Variants in MMP28 observed in about 807,000 individuals in gnomAD.
MMP28 encodes matrix metalloproteinase-28.
Under a neutral mutation model 60.5 loss-of-function variants are expected in MMP28, and 55 were observed. That is an observed-to-expected ratio of 0.91 (90% CI 0.73 to 1.14). The LOEUF (loss-of-function observed/expected upper bound fraction) is 1.14. Ranked by LOEUF, MMP28 falls within the 50% of genes most tolerant of loss-of-function variation. MMP28 has a pLI of 0.00. For synonymous variants in MMP28, 318 were observed against 312.5 expected (o/e 1.02, Z -0.18); for missense variants, 686 against 738.3 (o/e 0.93, Z 0.82).
chr17:35,778,993 C>T lies in MMP28; in HGVS notation c.274G>A (p.Gly92Arg), dbSNP rs199792911. ...GCATAACTGTTGGTATCTGTAACCC[C>T]GCAGCGGGGACGAGTCATCTGGCGC... ...TLRQMTRPRCGVTDTNSYAAW... is the reference protein window; with the variant it reads ...TLRQMTRPRCRVTDTNSYAAW... Residue 92 changes from glycine (G) to arginine (R), a missense_variant, in exon 3 of 8, where the codon GGG becomes AGG. Physicochemically the swap from Gly to Arg is moderately radical, Grantham distance 125. Transcript: ENST00000605424. 1.7e-4 allele frequency: 277 copies of T among 1,613,932 alleles called. No homozygotes were observed. The highest frequency in any genetic ancestry group is 1.9e-4 in the Non-Finnish European group (230 of 1,179,912).
chr17:35,787,149 C>A (rs967790294), intron 1 of MMP28, among the ~76,000 whole-genome samples: 2 of 152,152 alleles, frequency 1.3e-5, no homozygotes, highest in African/African-American at 4.8e-5. Context: ...ATCTGCTTTA[C>A]AAGAAAGTTC....
In MMP28 at chr17:35,795,617, C is replaced by G. The variant is rs574967369; in HGVS notation, c.-240G>C. Reference sequence around the variant, plus strand: ...GGGCAGTGCCTGCCCGCGGGTCCGCCGGCCCCGGGGACCGAGGGAGGGAGG... The same window carrying G: ...GGGCAGTGCCTGCCCGCGGGTCCGCGGGCCCCGGGGACCGAGGGAGGGAGG... On this transcript the variant is annotated 5_prime_UTR_variant, in exon 1 of 8. Coordinates refer to ENST00000605424, the MANE Select transcript of MMP28 (RefSeq NM_024302.5). The G allele has an allele frequency of 3.1e-3, 1,103 of 360,312 alleles. 16 individuals carry two copies. Among genetic ancestry groups the G allele is most frequent in the African/African-American group, 0.021 (991 of 47,538 alleles). The allele number at this position is 360,312 out of a possible 1,614,324, so 22.3% of individuals were successfully genotyped here.
chr17:35,764,603 C>T (rs376398873), downstream of MMP28: 6 of 1,585,526 alleles, frequency 3.8e-6, no homozygotes, highest in Non-Finnish European at 5.1e-6. Flanking sequence ...AGGCGGGGGC[C>T]GCTGGGAACT....
At chr17:35,787,549 G>T (rs929227087) in intron 1 of MMP28, among the ~76,000 whole-genome samples, 1 of 152,126 alleles carries the variant, frequency 6.6e-6, no homozygotes, top group Non-Finnish European at 1.5e-5. Context: ...GGAGTGCAGT[G>T]GCATGACTTC....
chr17:35,770,355 C>A, intron 4 of MMP28, 43 bp from the exon 5 acceptor site: 1 of 1,455,916 alleles, frequency 6.9e-7, no homozygotes, highest in Non-Finnish European at 9.0e-7. Flanking sequence ...CGGCCCACGA[C>A]GCCCCCAGGT....
intron 1 of MMP28, among the ~76,000 whole-genome samples, chr17:35,786,802 C>A (rs550752914): frequency 3.3e-4 from 50 of 151,882 alleles, no homozygotes; most frequent in African/African-American, 1.2e-3. Flanking sequence ...GCCCAGGCAA[C>A]TGTAGAGCTT....
chr17:35,767,222 A>G (rs756460442), intron 7 of MMP28, among the ~76,000 whole-genome samples: 11 of 152,198 alleles, frequency 7.2e-5, no homozygotes, highest in Non-Finnish European at 1.3e-4. Context: ...TGTATCCCTA[A>G]CATATCCAAC....
rs1406447961 is a variant in MMP28 at position 35,776,308 on chromosome 17, AT to A, written c.379+2579del. ...TGCCTCAGTCTCCCGAGTATCTGGG[AT>A]TACAGGTGCGTGCCACCACACCAGG... On this transcript the variant is annotated intron_variant, in intron 3 of 7. Transcript: ENST00000605424. 4.0e-5 allele frequency among the ~76,000 whole-genome samples: 6 copies of A among 151,892 alleles called. No homozygotes were observed. In the East Asian group the frequency reaches 1.2e-3, roughly 29 times the overall value.
At chr17:35,760,308 C>G (rs2085794516) in intron 2 of MMP28, among the ~76,000 whole-genome samples, 2 of 152,194 alleles carry the variant, frequency 1.3e-5, no homozygotes, top group African/African-American at 4.8e-5. Context: ...CTTGATTTTA[C>G]TCCCTCCCTC....
intron 3 of MMP28, among the ~76,000 whole-genome samples, chr17:35,773,789 T>C (rs1221541549): frequency 6.6e-6 from 1 of 152,182 alleles, no homozygotes; most frequent in Non-Finnish European, 1.5e-5. Flanking sequence ...TCTGTGTCTG[T>C]TGCTACCAGC....
intron 6 of MMP28, 49 bp from the exon 7 acceptor site, chr17:35,767,968 G>T: frequency 6.6e-7 from 1 of 1,526,652 alleles, no homozygotes; most frequent in Non-Finnish European, 8.8e-7. Flanking sequence ...GCTTCCTGCT[G>T]TCTTTCCAGG....
chr17:35,790,920 G>A (rs1201551615), intron 1 of MMP28, among the ~76,000 whole-genome samples: 5 of 150,596 alleles, frequency 3.3e-5, no homozygotes, highest in Admixed American at 6.6e-5. Context: ...TGTAGAGACA[G>A]GGTCTCTCTA....
At chr17:35,785,569 T>TC (rs1461987106) in intron 1 of MMP28, among the ~76,000 whole-genome samples, 2 of 152,064 alleles carry the variant, frequency 1.3e-5, no homozygotes, top group Non-Finnish European at 2.9e-5. Flanking sequence ...TGCCTCAACC[T>TC]CCCGAGTAGC....
chr17:35,764,370 G>GGGCCCCAGGGAGGAGGGGC, downstream of MMP28: 1 of 1,451,420 alleles, frequency 6.9e-7, no homozygotes, highest in South Asian at 1.4e-5. Context: ...GGCGGTGCCC[G>GGGCCCCAGGGAGGAGGGGC]GGCCCCAGGG....
intron 1 of MMP28, among the ~76,000 whole-genome samples, chr17:35,792,827 A>T (rs2086851058): frequency 6.6e-6 from 1 of 152,210 alleles, no homozygotes; most frequent in South Asian, 2.1e-4. Flanking sequence ...ATGTCCTATG[A>T]GCTGTGTTAG....
intron 1 of MMP28, among the ~76,000 whole-genome samples, chr17:35,787,085 G>A (rs1158128976): frequency 1.3e-5 from 2 of 152,204 alleles, no homozygotes; most frequent in Non-Finnish European, 2.9e-5. Context: ...CTGGGGAGCT[G>A]ACTCTCAATT....
At chr17:35,768,107 C>T (rs543314403) in intron 6 of MMP28, 123 bp downstream of exon 6, 127 of 1,360,850 alleles carry the variant, frequency 9.3e-5, no homozygotes, top group Non-Finnish European at 1.1e-4. Flanking sequence ...CTACCTGCAG[C>T]GTGCTTGTGG....
chr17:35,778,887 C>T lies in MMP28; in HGVS notation c.379+1G>A. The T allele has an allele frequency of 2.5e-6, 4 of 1,614,056 alleles. No homozygotes were observed. Among genetic ancestry groups the T allele is most frequent in the Non-Finnish European group, 3.4e-6 (4 of 1,179,900 alleles). On this transcript the variant is annotated splice_donor_variant, in intron 3 of 7. Transcript: ENST00000605424. LOFTEE classifies it high-confidence loss of function. ...CCTAGCCGGATTTTAACAGTGCTCA[C>T]CTTGCTTTGCAAAGCGTTTCTTACG...
intron 2 of MMP28, chr17:35,760,854 T>G: frequency 2.2e-5 from 34 of 1,527,556 alleles, no homozygotes; most frequent in Non-Finnish European, 2.9e-5. Context: ...ATAGAGGCCC[T>G]AGACATGAGA....
Sources: allele counts gnomAD v4.1 joint callset (sites outside exome capture counted in the v4.1 genomes callset), GRCh38; gene constraint gnomAD v4.1.1; transcripts MANE v1.5; gene names NCBI Gene and HGNC (gene_info 2026-07-23, HGNC 2026-07-21).